Variants in RASA1 observed in about 807,000 individuals in gnomAD.
RASA1 encodes the protein ras GTPase-activating protein 1.
Under a neutral mutation model 132.2 loss-of-function variants are expected in RASA1, and 25 were observed. The ratio of observed to expected loss-of-function variants is 0.19; its 90% CI spans 0.14 to 0.26. RASA1 has a LOEUF of 0.26. Among genes scored for constraint, RASA1 ranks in the 10% least tolerant of loss-of-function variants. RASA1 has a pLI of 1.00. For synonymous variants in RASA1, 477 were observed against 449.9 expected, an observed-to-expected ratio of 1.06 and a Z score of -0.76; for missense variants, 964 against 1,299.2, an observed-to-expected ratio of 0.74 and a Z score of 3.97.
At chr5:87,342,798 T>G (rs1758575344) in intron 6 of RASA1, among the ~76,000 whole-genome samples, 1 of 152,168 alleles carries the variant, frequency 6.6e-6, no homozygotes, top group African/African-American at 2.4e-5. Context: ...TGTTGTTAGA[T>G]CCTTCTGATT....
chr5:87,390,010 G>A (rs565689916), intron 24 of RASA1, among the ~76,000 whole-genome samples: 1 of 152,228 alleles, frequency 6.6e-6, no homozygotes, highest in Admixed American at 6.5e-5. Context: ...AACTCTTAGA[G>A]GAATTTATAG....
chr5:87,338,533 A>ATATATATATATATATATATATATATAT (rs1491365794), intron 5 of RASA1, among the ~76,000 whole-genome samples: 6 of 91,304 alleles, frequency 6.6e-5, no homozygotes, highest in South Asian at 3.4e-4. Context: ...ATATATATAT[A>ATATATATATATATATATATATATATAT]AAATTTTTTT....
chr5:87,286,476 A>C (rs1030861554), intron 1 of RASA1, among the ~76,000 whole-genome samples: 1 of 151,954 alleles, frequency 6.6e-6, no homozygotes, highest in Admixed American at 6.6e-5. Flanking sequence ...CACAGAGCTT[A>C]TGTGTATATT....
intron 1 of RASA1, among the ~76,000 whole-genome samples, chr5:87,280,830 G>A (rs1341888874): frequency 6.6e-6 from 1 of 150,696 alleles, no homozygotes; most frequent in Non-Finnish European, 1.5e-5. Context: ...GATCTCGGCT[G>A]ACTGCAAAGT....
chr5:87,322,449 C>CCTT (rs1376393999), intron 1 of RASA1, among the ~76,000 whole-genome samples: 1 of 152,162 alleles, frequency 6.6e-6, no homozygotes, highest in Non-Finnish European at 1.5e-5. Context: ...TTCCCTGACC[C>CCTT]CTTGTCTGTG....
Position 87,381,027 on chromosome 5 carries a change from T to G in RASA1, c.2690+432T>G, listed in dbSNP as rs1761677588. Reference sequence around the variant, plus strand: ...ACCAGAACATGTAGTTCTGAAGCTGTGTTTCAGTCTGCTCATTGTACCATA... The same window carrying G: ...ACCAGAACATGTAGTTCTGAAGCTGGGTTTCAGTCTGCTCATTGTACCATA... On this transcript the variant is annotated intron_variant, in intron 20 of 24. Coordinates refer to ENST00000274376, the MANE Select transcript of RASA1 (RefSeq NM_002890.3). 3.9e-5 allele frequency among the ~76,000 whole-genome samples: 6 copies of G among 152,212 alleles called. No individual in the cohort carries two copies. The South Asian group carries it at 1.2e-3, about 32-fold the overall frequency.
chr5:87,344,678 A>ATTTTT (rs113174684), intron 6 of RASA1, among the ~76,000 whole-genome samples: 1 of 131,208 alleles, frequency 7.6e-6, no homozygotes, highest in Non-Finnish European at 1.6e-5. Flanking sequence ...AAATGTTGTA[A>ATTTTT]TTTTTTTTTT....
chr5:87,317,184 A>T (rs911482664), intron 1 of RASA1, among the ~76,000 whole-genome samples: 2 of 152,126 alleles, frequency 1.3e-5, no homozygotes, highest in African/African-American at 4.8e-5. Flanking sequence ...CGCCTGGCGG[A>T]TACCACAAAT....
intron 22 of RASA1, among the ~76,000 whole-genome samples, chr5:87,385,787 T>C (rs1056940973): frequency 3.3e-5 from 5 of 152,080 alleles, no homozygotes; most frequent in African/African-American, 4.8e-5. Flanking sequence ...ATGACTGATA[T>C]TCAGTTGGGA....
chr5:87,338,766 CAT>C (rs1488492604), intron 5 of RASA1, among the ~76,000 whole-genome samples: 8 of 151,180 alleles, frequency 5.3e-5, no homozygotes, highest in Non-Finnish European at 1.0e-4. Context: ...ACTGGTTACA[CAT>C]GTTTGGTTTT....
intron 1 of RASA1, among the ~76,000 whole-genome samples, chr5:87,302,316 TC>T (rs1755400130): frequency 6.6e-6 from 1 of 152,028 alleles, no homozygotes; most frequent in East Asian, 1.9e-4. Flanking sequence ...GTGTATTTTT[TC>T]ATATGTTCAT....
rs1761565679 is a variant in RASA1 at position 87,379,624 on chromosome 5, A to G, written c.2488-111A>G. On this transcript the variant is annotated intron_variant, in intron 18 of 24. Coordinates refer to ENST00000274376, the MANE Select transcript of RASA1 (RefSeq NM_002890.3). The stretch of plus-strand genomic sequence containing the variant: ...ACAAAGAAAAAAGATCAATACACAC[A>G]GAGATACCGAAAAATAGACAACCTC... 2.1e-6 allele frequency: 3 copies of G among 1,425,194 alleles called. No homozygotes were observed. The South Asian group carries it at 4.1e-5, about 19-fold the overall frequency. 88.3% of individuals were successfully genotyped at this position (1,425,194 alleles called of 1,614,324 possible). A position where few individuals can be genotyped will look rare whatever the true frequency, so the allele number is the denominator to read the frequency against.
At chr5:87,363,579 T>G in intron 11 of RASA1, 75 bp downstream of exon 11, 2 of 1,495,976 alleles carry the variant, frequency 1.3e-6, no homozygotes, top group Non-Finnish European at 1.9e-6. Context: ...CAAACCAATT[T>G]TGAGAGCCCT....
intron 4 of RASA1, among the ~76,000 whole-genome samples, chr5:87,335,419 GTTTTTTT>G (rs34986349): frequency 8.2e-5 from 6 of 72,888 alleles, no homozygotes; most frequent in African/African-American, 3.3e-4. Flanking sequence ...AAAGAATGAG[GTTTTTTT>G]TTTTTTTTTT....
chr5:87,363,272 A>T, intron 10 of RASA1, 76 bp from the exon 11 acceptor site: 1 of 1,303,784 alleles, frequency 7.7e-7, no homozygotes, highest in East Asian at 2.4e-5. Context: ...TCATATTTTT[A>T]GAAACACTAA....
intron 1 of RASA1, among the ~76,000 whole-genome samples, chr5:87,311,698 C>T (rs943254203): frequency 2.0e-5 from 3 of 152,168 alleles, no homozygotes; most frequent in Non-Finnish European, 4.4e-5. Flanking sequence ...TCTTGGTGTC[C>T]AGGGATCTTT....
intron 1 of RASA1, among the ~76,000 whole-genome samples, chr5:87,310,136 C>CT (rs1755808418): frequency 6.6e-6 from 1 of 152,092 alleles, no homozygotes; most frequent in South Asian, 2.1e-4. Flanking sequence ...AATCAATTGA[C>CT]TGCTTTGAGG....
At chr5:87,329,331 A>G (rs1022445805) in intron 1 of RASA1, among the ~76,000 whole-genome samples, 1 of 150,834 alleles carries the variant, frequency 6.6e-6, no homozygotes, top group African/African-American at 2.4e-5. Context: ...AGTCTCGGCT[A>G]CTTGGGAGGC....
intron 22 of RASA1, 146 bp from the exon 23 acceptor site, chr5:87,386,680 T>G: frequency 1.5e-6 from 1 of 681,158 alleles, no homozygotes; most frequent in African/African-American, 1.8e-5. Context: ...TAAGAAGTAT[T>G]GCTACATGTA....
Sources: gnomAD v4.1 joint callset for allele counts (sites outside exome capture counted in the v4.1 genomes callset) on GRCh38, gnomAD v4.1.1 for gene constraint, MANE v1.5 for transcripts, NCBI Gene and HGNC (gene_info 2026-07-23, HGNC 2026-07-21) for gene names.